ERG: variants seen among roughly 807,000 people sequenced by gnomAD.
The protein encoded by ERG is ETS transcription factor ERG.
Under a neutral mutation model 55.3 loss-of-function variants are expected in ERG, and 9 were observed. The ratio of observed to expected loss-of-function variants is 0.16; its 90% CI spans 0.10 to 0.28. The LOEUF (loss-of-function observed/expected upper bound fraction) is 0.28, where lower values mean the gene tolerates loss of function less well. ERG is among the 10% of genes least tolerant of loss of function. The pLI is 1.00. For missense variants in ERG, 434 were observed against 631.6 expected, an observed-to-expected ratio of 0.69 and a Z score of 3.35; for synonymous variants, 223 against 237.3, an observed-to-expected ratio of 0.94 and a Z score of 0.55.
chr21:38,433,425 CA>C (rs962078750), intron 2 of ERG, among the ~76,000 whole-genome samples: 3 of 150,454 alleles, frequency 2.0e-5, no homozygotes, highest in South Asian at 2.1e-4. Context: ...ACCCCTTAAA[CA>C]AAAAAAAAGC....
chr21:38,605,792 T>C (rs2060192907), intron 1 of ERG, among the ~76,000 whole-genome samples: 1 of 152,078 alleles, frequency 6.6e-6, no homozygotes. Flanking sequence ...AAAAACCACA[T>C]TTCTGTTACT....
At chr21:38,637,960 G>C (rs1048810278) in intron 1 of ERG, among the ~76,000 whole-genome samples, 4 of 152,208 alleles carry the variant, frequency 2.6e-5, no homozygotes, top group African/African-American at 4.8e-5. Context: ...TAACTGAGTG[G>C]ATTGAAGAGC....
At chr21:38,503,236 C>A (rs1419956482), upstream of ERG, among the ~76,000 whole-genome samples, 1 of 152,044 alleles carries the variant, frequency 6.6e-6, no homozygotes, top group Non-Finnish European at 1.5e-5. Context: ...CAATGTTGTT[C>A]ATTTTTGTAA....
At chr21:38,462,137 C>T (rs751014395) in intron 1 of ERG, among the ~76,000 whole-genome samples, 10 of 152,156 alleles carry the variant, frequency 6.6e-5, no homozygotes, top group South Asian at 2.1e-4. Flanking sequence ...CCCGCCACCA[C>T]GCCTGGCTAA....
At chr21:38,607,396 C>G (rs2060202503) in intron 1 of ERG, among the ~76,000 whole-genome samples, 2 of 152,122 alleles carry the variant, frequency 1.3e-5, no homozygotes, top group Admixed American at 1.3e-4. Context: ...CCCAGCGCCT[C>G]CTGAGGCAGT....
At chr21:38,407,344 G>A (rs1988818431) in intron 3 of ERG, among the ~76,000 whole-genome samples, 1 of 151,962 alleles carries the variant, frequency 6.6e-6, no homozygotes, top group Non-Finnish European at 1.5e-5. Context: ...TTATTGATAT[G>A]ATAAAATGTT....
At chr21:38,433,531 C>G (rs1380032266) in intron 2 of ERG, among the ~76,000 whole-genome samples, 1 of 152,166 alleles carries the variant, frequency 6.6e-6, no homozygotes, top group Non-Finnish European at 1.5e-5. Context: ...AACTTGGCAT[C>G]TGACTTTGGT....
chr21:38,426,845 G>A (rs933474915), intron 2 of ERG, among the ~76,000 whole-genome samples: 5 of 151,464 alleles, frequency 3.3e-5, no homozygotes, highest in African/African-American at 9.7e-5. Context: ...CAGGAGAATC[G>A]CTTGAACCAG....
chr21:38,383,338 T>C lies in ERG; in HGVS notation c.*65A>G. The C allele has an allele frequency of 1.4e-6, 2 of 1,389,808 alleles. No individual in the cohort carries two copies. The highest frequency in any genetic ancestry group is 2.2e-5 in the South Asian group (1 of 44,468). The allele number at this position is 1,389,808 out of a possible 1,614,324, so 86.1% of individuals were successfully genotyped here. ...CTTGAGGCACTTTTGATTCATGTTC[T>C]CCGATAGAGTTTGTGGCGATGGGCT... On this transcript the variant is annotated 3_prime_UTR_variant, in exon 10 of 10. Transcript: ENST00000288319. This position sits in a 1 kb window ranked among gnomAD's most constrained non-coding sequence, Gnocchi z 5.7.
downstream of ERG, among the ~76,000 whole-genome samples, chr21:38,376,263 T>C (rs757305027): frequency 9.2e-5 from 14 of 151,704 alleles, no homozygotes; most frequent in Non-Finnish European, 1.5e-4. Flanking sequence ...AGGGGAGGGG[T>C]TTCTTCTAAA....
intron 1 of ERG, among the ~76,000 whole-genome samples, chr21:38,609,187 C>T (rs183252441): frequency 6.2e-4 from 95 of 152,230 alleles, no homozygotes; most frequent in Non-Finnish European, 1.2e-3. Context: ...TCTGTCCAAA[C>T]GTGGATGAAG....
intron 1 of ERG, among the ~76,000 whole-genome samples, chr21:38,600,634 G>C (rs2146910331): frequency 6.6e-6 from 1 of 152,304 alleles, no homozygotes; most frequent in Non-Finnish European, 1.5e-5. Flanking sequence ...AAAGGGCAGG[G>C]ACAAGGGGCT....
At chr21:38,548,739 C>T (rs575768708) in intron 2 of ERG, among the ~76,000 whole-genome samples, 39 of 146,608 alleles carry the variant, frequency 2.7e-4, no homozygotes, top group Non-Finnish European at 5.4e-4. Flanking sequence ...GCTGAGATTA[C>T]AGGCGTGAGC....
intron 2 of ERG, among the ~76,000 whole-genome samples, chr21:38,520,214 G>A (rs1601179169): frequency 6.6e-6 from 1 of 152,270 alleles, no homozygotes; most frequent in East Asian, 1.9e-4. Flanking sequence ...TGAAGCATCA[G>A]GAGTTCTTCC....
At chr21:38,393,241 C>T (rs186260658) in intron 6 of ERG, among the ~76,000 whole-genome samples, 1 of 152,314 alleles carries the variant, frequency 6.6e-6, no homozygotes, top group African/African-American at 2.4e-5. Context: ...TTTTCATATG[C>T]AAATTTAATA....
chr21:38,489,645 G>A (rs1242037668), intron 1 of ERG, among the ~76,000 whole-genome samples: 1 of 152,232 alleles, frequency 6.6e-6, no homozygotes, highest in Non-Finnish European at 1.5e-5. Flanking sequence ...AAGACAAAGT[G>A]AAAAGTTAGA....
At chr21:38,495,223 G>A (rs1038361675) in intron 1 of ERG, among the ~76,000 whole-genome samples, 2 of 152,146 alleles carry the variant, frequency 1.3e-5, no homozygotes, top group African/African-American at 2.4e-5. Context: ...GATAGCAAAC[G>A]TTCAAGAAGT....
intron 2 of ERG, among the ~76,000 whole-genome samples, chr21:38,549,644 TATTA>T (rs979678662): frequency 3.3e-5 from 5 of 152,118 alleles, no homozygotes; most frequent in Admixed American, 2.0e-4. Flanking sequence ...TGGGTGCAAA[TATTA>T]ATTTTCTATG....
At chr21:38,587,736 T>C (rs1329003640), upstream of ERG, among the ~76,000 whole-genome samples, 2 of 152,334 alleles carry the variant, frequency 1.3e-5, no homozygotes, top group Non-Finnish European at 2.9e-5. Flanking sequence ...CTGTTTTGCA[T>C]GGATAAGTGG....
Sources: gnomAD v4.1 joint callset for allele counts (sites outside exome capture counted in the v4.1 genomes callset) on GRCh38, gnomAD v4.1.1 for gene constraint, Gnocchi (gnomAD v3.1) non-coding constraint, MANE v1.5 for transcripts, NCBI Gene and HGNC (gene_info 2026-07-23, HGNC 2026-07-21) for gene names.